SEMA3A: variants seen among roughly 807,000 people sequenced by gnomAD.
The protein encoded by SEMA3A is semaphorin 3A.
A neutral mutation model predicts 97.9 loss-of-function variants in SEMA3A; 29 were observed. The ratio of observed to expected loss-of-function variants is 0.30; its 90% CI spans 0.22 to 0.40. SEMA3A has a LOEUF of 0.40. Ranked by LOEUF, SEMA3A falls within the 10% of genes least tolerant of loss-of-function variation. The pLI, the probability that SEMA3A is intolerant of heterozygous loss-of-function variation, is 1.00. For missense variants in SEMA3A, 763 were observed against 951.3 expected, an observed-to-expected ratio of 0.80 and a Z score of 2.60; for synonymous variants, 321 against 323.7, an observed-to-expected ratio of 0.99 and a Z score of 0.09.
At chr7:84,235,080 T>C (rs1009444344) in intron 3 of SEMA3A, among the ~76,000 whole-genome samples, 6 of 152,088 alleles carry the variant, frequency 3.9e-5, no homozygotes, top group African/African-American at 1.4e-4. Flanking sequence ...ACGAAAATGA[T>C]TTAAAAATAA....
At chr7:84,193,643 TAAGACCTATCTAAGC>T (rs1212862787) in intron 1 of SEMA3A, among the ~76,000 whole-genome samples, 3 of 152,080 alleles carry the variant, frequency 2.0e-5, no homozygotes, top group Non-Finnish European at 4.4e-5. Context: ...CATCTATCTA[TAAGACCTATCTAAGC>T]AAATGTGGAA....
At chr7:84,480,759 T>G (rs952280025) in intron 1 of SEMA3A, among the ~76,000 whole-genome samples, 1 of 152,202 alleles carries the variant, frequency 6.6e-6, no homozygotes, top group African/African-American at 2.4e-5. Context: ...TTTAAGGATG[T>G]CCTATCAAAC....
At chr7:84,406,534 C>T (rs911389379) in intron 1 of SEMA3A, among the ~76,000 whole-genome samples, 5 of 152,132 alleles carry the variant, frequency 3.3e-5, no homozygotes, top group Non-Finnish European at 7.3e-5. Flanking sequence ...AGGGAATCCT[C>T]CCTAACTCAT....
chr7:84,144,149 T>C (rs549491707), intron 1 of SEMA3A, among the ~76,000 whole-genome samples: 3 of 151,484 alleles, frequency 2.0e-5, no homozygotes, highest in Non-Finnish European at 4.4e-5. Context: ...AGTCAAGATA[T>C]GAAAAAATAA....
chr7:84,457,748 G>A (rs1204328833), intron 1 of SEMA3A, among the ~76,000 whole-genome samples: 1 of 151,640 alleles, frequency 6.6e-6, no homozygotes, highest in African/African-American at 2.4e-5. Flanking sequence ...TATAAATAAG[G>A]GAAAATACAT....
chr7:84,348,822 A>C (rs977177914), intron 2 of SEMA3A, among the ~76,000 whole-genome samples: 6 of 152,134 alleles, frequency 3.9e-5, no homozygotes, highest in African/African-American at 1.4e-4. Flanking sequence ...GTCTCTACTA[A>C]AAATACAAAA....
intron 7 of SEMA3A, among the ~76,000 whole-genome samples, chr7:84,012,863 TTTATA>T (rs1480366970): frequency 1.3e-5 from 2 of 152,122 alleles, no homozygotes; most frequent in African/African-American, 4.8e-5. Context: ...GTAAAACTGA[TTTATA>T]TTTTATTTAT....
intron 9 of SEMA3A, among the ~76,000 whole-genome samples, chr7:84,008,490 C>CAAAAAAAAAAAA (rs752729583): frequency 3.7e-5 from 3 of 81,190 alleles, no homozygotes; most frequent in Non-Finnish European, 5.4e-5. Context: ...GACTCCGTCT[C>CAAAAAAAAAAAA]AAAAAAAAAA....
Position 84,331,801 on chromosome 7 carries a change from C to T in SEMA3A, c.-168-24509G>A, listed in dbSNP as rs529548765. Among the ~76,000 whole-genome samples, 610 of 152,082 alleles carry T rather than the reference C, an allele frequency of 4.0e-3. 11 individuals carry two copies. Among genetic ancestry groups the T allele is most frequent in the Middle Eastern group, 0.02 (6 of 294 alleles). On this transcript the variant is annotated intron_variant, in intron 2 of 3. Transcript: ENST00000424555. ...TGAAGTCTGTGTGCGTGCATGCGTG[C>T]GTGCATGCTCCTTTTGTGGCAGAAA... is the stretch of plus-strand genomic sequence containing the variant.
In SEMA3A at chr7:84,014,277, G is replaced by T. The variant is rs767094428; in HGVS notation, c.742C>A (p.Arg248Ser). ...PEDDKVYFFFRENAIDGEHSG... is the reference protein window; with the variant it reads ...PEDDKVYFFFSENAIDGEHSG... ...TGTTCTCCATCTATTGCATTTTCACGGAAGAAAAAGTATACTTTGTCATCT... is the reference window on the plus strand; with the variant it reads ...TGTTCTCCATCTATTGCATTTTCACTGAAGAAAAAGTATACTTTGTCATCT... Residue 248 changes from arginine (R) to serine (S), a missense_variant, in exon 7 of 17, where the codon CGT (arginine) becomes AGT (serine). Arg to Ser is a moderately radical substitution (Grantham distance 110). This residue lies in a region of SEMA3A where 678 missense variants were observed against 881.3 expected (regional missense o/e 0.77). Transcript: ENST00000265362. 1 of 1,612,486 alleles carries T rather than the reference G, an allele frequency of 6.2e-7. No homozygotes were observed. Among genetic ancestry groups the T allele is most frequent in the South Asian group, 1.1e-5 (1 of 91,038 alleles).
intron 2 of SEMA3A, among the ~76,000 whole-genome samples, chr7:84,337,425 C>T (rs571087779): frequency 2.1e-4 from 32 of 152,086 alleles, no homozygotes; most frequent in Non-Finnish European, 4.3e-4. Context: ...AAAATAAAGT[C>T]ATACTCAAAG....
intron 3 of SEMA3A, among the ~76,000 whole-genome samples, chr7:84,243,335 G>A (rs1359139731): frequency 6.6e-6 from 1 of 152,162 alleles, no homozygotes; most frequent in Non-Finnish European, 1.5e-5. Flanking sequence ...CTTGTTATTG[G>A]TCCATTCAGG....
intron 3 of SEMA3A, among the ~76,000 whole-genome samples, chr7:84,233,187 TAC>T (rs1349778074): frequency 1.3e-5 from 2 of 152,170 alleles, no homozygotes; most frequent in Non-Finnish European, 2.9e-5. Flanking sequence ...ATGTAGTTAA[TAC>T]ATTCATTGGT....
At chr7:84,413,080 T>C (rs1279342968) in intron 1 of SEMA3A, among the ~76,000 whole-genome samples, 1 of 152,156 alleles carries the variant, frequency 6.6e-6, no homozygotes, top group Non-Finnish European at 1.5e-5. Context: ...AGTTTTAATT[T>C]TTCTATACAT....
chr7:83,976,424 G>C (rs1789151482), intron 15 of SEMA3A, among the ~76,000 whole-genome samples: 1 of 152,060 alleles, frequency 6.6e-6, no homozygotes, highest in African/African-American at 2.4e-5. Context: ...AGTTCCCCCA[G>C]CAGAGGGAAG....
intron 4 of SEMA3A, among the ~76,000 whole-genome samples, chr7:84,077,544 G>A (rs1306684381): frequency 2.6e-5 from 4 of 151,894 alleles, no homozygotes; most frequent in East Asian, 1.9e-4. Flanking sequence ...GGGAAGTGAC[G>A]AGGCCAAAAG....
chr7:84,038,015 G>A (rs1385810510), intron 6 of SEMA3A, among the ~76,000 whole-genome samples: 1 of 151,864 alleles, frequency 6.6e-6, no homozygotes, highest in African/African-American at 2.4e-5. Context: ...CCCTTTACCT[G>A]AATAACATTT....
chr7:84,197,450 A>G (rs934354995), upstream of SEMA3A, among the ~76,000 whole-genome samples: 5 of 152,238 alleles, frequency 3.3e-5, no homozygotes, highest in African/African-American at 1.2e-4. Flanking sequence ...TAAATAAAAA[A>G]TGAAAGAAGA....
chr7:84,054,395 G>T (rs1420447699), intron 5 of SEMA3A, among the ~76,000 whole-genome samples: 1 of 151,966 alleles, frequency 6.6e-6, no homozygotes, highest in Non-Finnish European at 1.5e-5. Context: ...CATATTTCTT[G>T]GAGGCTTTGC....
Sources: allele counts gnomAD v4.1 joint callset (sites outside exome capture counted in the v4.1 genomes callset), GRCh38; gene constraint gnomAD v4.1.1; regional missense constraint gnomAD v4.1.1; transcripts MANE v1.5; gene names NCBI Gene and HGNC (gene_info 2026-07-23, HGNC 2026-07-21).